The following DOCK10 variants were observed in gnomAD, a reference collection of about 807,000 sequenced individuals.
DOCK10 encodes the protein dedicator of cytokinesis 10.
Under a neutral mutation model 280.1 loss-of-function variants are expected in DOCK10, and 145 were observed. The observed-to-expected ratio is 0.52, with a 90% CI of 0.45 to 0.59. The LOEUF (loss-of-function observed/expected upper bound fraction) is 0.59. Ranked by LOEUF, DOCK10 falls within the 20% of genes least tolerant of loss-of-function variation. The pLI, the probability that DOCK10 is intolerant of heterozygous loss-of-function variation, is 0.00. For missense variants in DOCK10, 2,368 were observed against 2,651.7 expected, an observed-to-expected ratio of 0.89 and a Z score of 2.35; for synonymous variants, 915 against 942.2, an observed-to-expected ratio of 0.97 and a Z score of 0.53.
rs16866190 is a variant in DOCK10 at position 224,821,600 on chromosome 2, T to C, written c.3183+1901A>G. Among the ~76,000 whole-genome samples, 755 of 152,310 alleles carry C rather than the reference T, an allele frequency of 5.0e-3. 6 individuals are homozygous for C. Among genetic ancestry groups the C allele is most frequent in the African/African-American group, 0.016 (645 of 41,574 alleles). On this transcript the variant is annotated intron_variant, in intron 28 of 55. Transcript: ENST00000258390. ...TTTTTAATATTATGTGTCAAATAAA[T>C]GCCATTAAAACTTCAAATTAGTAAT...
intron 30 of DOCK10, 70 bp from the exon 31 acceptor site, chr2:224,814,434 G>T: frequency 2.4e-6 from 2 of 841,000 alleles, no homozygotes; most frequent in Non-Finnish European, 1.8e-6. Flanking sequence ...TATTCATTAT[G>T]TGTAGTTTAT....
At position 224,774,938 on chromosome 2, in the gene DOCK10, C is replaced by T; in HGVS notation, c.5980G>A (p.Ala1994Thr). The T allele has an allele frequency of 6.2e-7, 1 of 1,606,352 alleles. No individual in the cohort carries two copies. The change falls in exon 52 of 56, where the codon GCG (alanine) becomes ACG (threonine). Residue 1994 changes from alanine (A) to threonine (T), a missense_variant. Ala to Thr is a moderately conservative substitution (Grantham distance 58). Transcript: ENST00000258390. ...ATCGTCCGCCGCTTGCACTGCTCCG[C>T]CACCCCACCGTGCTTCTTGCCCGAC... ...TLSGKKHGGVAEQCKRRTILT... is the reference protein window; with the variant it reads ...TLSGKKHGGVTEQCKRRTILT...
At chr2:224,872,835 A>G (rs1174104663) in intron 11 of DOCK10, among the ~76,000 whole-genome samples, 1 of 152,012 alleles carries the variant, frequency 6.6e-6, no homozygotes, top group Non-Finnish European at 1.5e-5. Context: ...AAATTTGAAC[A>G]GAACGCATTA....
rs1693295642 is a variant in DOCK10, at chr2:224,805,023, G to GA, written c.4118+34dup. On this transcript the variant is annotated intron_variant, in intron 37 of 55. Coordinates refer to ENST00000258390, the MANE Select transcript of DOCK10 (RefSeq NM_014689.3). The surrounding 1 kb of genome is among the most constrained non-coding windows in gnomAD (Gnocchi z 4.3). ...ATAGTGGACTATTTAGAAATTTCCA[G>GA]AAAAAAGTGTTAAGTCATCAACTCT... 2 of 1,556,198 alleles carry GA rather than the reference G, an allele frequency of 1.3e-6. No individual in the cohort carries two copies. Among genetic ancestry groups the GA allele is most frequent in the Non-Finnish European group, 1.7e-6 (2 of 1,151,700 alleles).
At chr2:224,867,075 T>TACACACACAC (rs61496329) in intron 11 of DOCK10, among the ~76,000 whole-genome samples, 213 of 144,344 alleles carry the variant, frequency 1.5e-3, no homozygotes, top group African/African-American at 4.5e-3. Context: ...AGCTAAGAAA[T>TACACACACAC]ACACACACAC....
intron 1 of DOCK10, among the ~76,000 whole-genome samples, chr2:224,977,352 G>T (rs1013845467): frequency 6.6e-6 from 1 of 152,098 alleles, no homozygotes; most frequent in African/African-American, 2.4e-5. Flanking sequence ...ACCAACACTT[G>T]CTTTTCTTTC....
At chr2:224,884,984 T>G (rs534590509) in intron 7 of DOCK10, among the ~76,000 whole-genome samples, 1 of 152,198 alleles carries the variant, frequency 6.6e-6, no homozygotes, top group Non-Finnish European at 1.5e-5. Flanking sequence ...TTGCTGCCTT[T>G]GCTTATTCTT....
intron 1 of DOCK10, among the ~76,000 whole-genome samples, chr2:224,963,765 C>T (rs895469824): frequency 5.9e-5 from 9 of 152,184 alleles, no homozygotes. Context: ...AGGACTGTAA[C>T]ATGAAAGTTA....
In DOCK10 at chr2:224,789,098, T is replaced by C. The variant is rs1213938847; in HGVS notation, c.5384A>G (p.Glu1795Gly). Residue 1795 changes from glutamate (E) to glycine (G), a missense_variant, in exon 48 of 56, where the codon GAG (glutamate) becomes GGG (glycine). Glu to Gly is a moderately conservative substitution (Grantham distance 98). Transcript: ENST00000258390. ...TGGTGTATCTTGCATTCCAGAATCCTCTTTCATCGCTCCTTCTTCCTTAAT... is the reference window on the plus strand; with the variant it reads ...TGGTGTATCTTGCATTCCAGAATCCCCTTTCATCGCTCCTTCTTCCTTAAT... ...PNIKEEGAMK[E>G]DSGMQDTPYN... 1 of 1,613,740 alleles carries C rather than the reference T, an allele frequency of 6.2e-7. No individual in the cohort carries two copies. Among genetic ancestry groups the C allele is most frequent in the Non-Finnish European group, 8.5e-7 (1 of 1,179,768 alleles).
chr2:224,832,344 TG>T (rs905547487), intron 26 of DOCK10, among the ~76,000 whole-genome samples: 3 of 152,162 alleles, frequency 2.0e-5, no homozygotes, highest in African/African-American at 7.2e-5. Flanking sequence ...AGCACGTAGC[TG>T]GGGGGATCAC....
At chr2:224,901,173 A>G (rs753709816) in intron 3 of DOCK10, among the ~76,000 whole-genome samples, 1 of 152,236 alleles carries the variant, frequency 6.6e-6, no homozygotes, top group South Asian at 2.1e-4. Flanking sequence ...GAGATCATTA[A>G]AAACTATTAT....
intron 1 of DOCK10, among the ~76,000 whole-genome samples, chr2:224,941,919 A>T (rs894900640): frequency 2.6e-5 from 4 of 152,042 alleles, no homozygotes; most frequent in African/African-American, 7.2e-5. Context: ...AATGAATGTT[A>T]TTAGTGTGTA....
chr2:224,780,639 C>T (rs1487887010), intron 50 of DOCK10, among the ~76,000 whole-genome samples: 2 of 151,904 alleles, frequency 1.3e-5, no homozygotes, highest in Admixed American at 6.6e-5. Context: ...CGGTGGTTCA[C>T]GCCTGCAATC....
intron 1 of DOCK10, among the ~76,000 whole-genome samples, chr2:224,987,435 A>G (rs1292693884): frequency 6.6e-6 from 1 of 152,222 alleles, no homozygotes; most frequent in Non-Finnish European, 1.5e-5. Flanking sequence ...CCCTGTTCTC[A>G]GCACAGATAA....
At chr2:224,995,589 G>T (rs1422521993) in intron 1 of DOCK10, among the ~76,000 whole-genome samples, 1 of 152,142 alleles carries the variant, frequency 6.6e-6, no homozygotes, top group Non-Finnish European at 1.5e-5. Flanking sequence ...GTGTCCACAG[G>T]GACTTGCTTC....
chr2:224,961,438 C>CTTTCTTTCT (rs1704416263), intron 1 of DOCK10, among the ~76,000 whole-genome samples: 2 of 128,232 alleles, frequency 1.6e-5, no homozygotes, highest in Admixed American at 8.5e-5. Flanking sequence ...TTCTTTCTTT[C>CTTTCTTTCT]TTTCTTTCTT....
In DOCK10 at chr2:224,852,375, A is replaced by C; in HGVS notation, c.2142+2T>G. The C allele has an allele frequency of 1.3e-6, 2 of 1,568,592 alleles. No individual in the cohort carries two copies. Among genetic ancestry groups the C allele is most frequent in the Non-Finnish European group, 1.7e-6 (2 of 1,155,564 alleles). On this transcript the variant is annotated splice_donor_variant, in intron 18 of 55. Transcript: ENST00000258390. LOFTEE classifies it high-confidence loss of function. Reference sequence around the variant, plus strand: ...CTGGGTCCCTTTGCTGACTTGGCTCACCTTCAGGGGCTTGGCACTTTCTTC... The same window carrying C: ...CTGGGTCCCTTTGCTGACTTGGCTCCCCTTCAGGGGCTTGGCACTTTCTTC...
chr2:224,809,499 A>C (rs1310051292), intron 31 of DOCK10, among the ~76,000 whole-genome samples: 1 of 149,592 alleles, frequency 6.7e-6, no homozygotes, highest in Non-Finnish European at 1.5e-5. Flanking sequence ...ACATAATAGC[A>C]ACAAACAAAC....
intron 18 of DOCK10, 112 bp from the exon 19 acceptor site, chr2:224,849,711 A>G (rs935202202): frequency 1.4e-6 from 1 of 702,186 alleles, no homozygotes; most frequent in African/African-American, 1.8e-5. Context: ...AAACTTTGTG[A>G]TAACTTGCCA....
Sources: gnomAD v4.1 joint callset for allele counts (sites outside exome capture counted in the v4.1 genomes callset) on GRCh38, gnomAD v4.1.1 for gene constraint, Gnocchi (gnomAD v3.1) non-coding constraint, MANE v1.5 for transcripts, NCBI Gene and HGNC (gene_info 2026-07-23, HGNC 2026-07-21) for gene names.